The following PHF24 variants were observed in gnomAD, a reference collection of about 807,000 sequenced individuals.
PHF24 encodes PHD finger protein 24.
In PHF24, 25 loss-of-function variants were observed where a neutral mutation model predicts 42.6. The observed-to-expected ratio is 0.59, with a 90% CI of 0.43 to 0.82. The LOEUF (loss-of-function observed/expected upper bound fraction) is 0.82. Ranked by LOEUF, PHF24 falls within the 40% of genes least tolerant of loss-of-function variation. PHF24 has a pLI of 0.00. For synonymous variants in PHF24, 185 were observed against 204.8 expected, an observed-to-expected ratio of 0.90 and a Z score of 0.83; for missense variants, 470 against 538.1, an observed-to-expected ratio of 0.87 and a Z score of 1.25.
chr9:34,796,845 C>T, the PHF24 span, among the ~76,000 whole-genome samples: 4 of 152,342 alleles, frequency 2.6e-5, no homozygotes, highest in African/African-American at 9.6e-5. Flanking sequence ...AACTTATGCT[C>T]ACACAAAAAC....
At chr9:34,759,684 C>T in the PHF24 span, among the ~76,000 whole-genome samples, 1 of 152,170 alleles carries the variant, frequency 6.6e-6, no homozygotes, top group East Asian at 1.9e-4. Context: ...ACCTCTTGCC[C>T]CCAGCAGAAT....
chr9:34,929,484 C>T, the PHF24 span, among the ~76,000 whole-genome samples: 1 of 152,180 alleles, frequency 6.6e-6, no homozygotes, highest in Admixed American at 6.5e-5. Flanking sequence ...GCACCTAGCA[C>T]AGGGTCTATT....
At chr9:34,940,089 TG>T in the PHF24 span, among the ~76,000 whole-genome samples, 1 of 151,618 alleles carries the variant, frequency 6.6e-6, no homozygotes, top group African/African-American at 2.4e-5. Flanking sequence ...CAGAGGGAGG[TG>T]GGGGGAAAGT....
At chr9:34,688,617 G>C in the PHF24 span, among the ~76,000 whole-genome samples, 1 of 151,702 alleles carries the variant, frequency 6.6e-6, no homozygotes, top group East Asian at 1.9e-4. Flanking sequence ...TCTGACCTCT[G>C]ACTCCCAGGT....
At chr9:34,947,121 G>A in the PHF24 span, among the ~76,000 whole-genome samples, 6 of 152,160 alleles carry the variant, frequency 3.9e-5, no homozygotes, top group African/African-American at 1.2e-4. Context: ...CTTGAGACTC[G>A]GACCTAGCCA....
the PHF24 span, among the ~76,000 whole-genome samples, chr9:34,704,803 T>G: frequency 6.6e-6 from 1 of 152,234 alleles, no homozygotes; most frequent in South Asian, 2.1e-4. Context: ...GCCACTCACT[T>G]CAGCCTGGGT....
At chr9:34,880,606 A>G in the PHF24 span, among the ~76,000 whole-genome samples, 1 of 152,210 alleles carries the variant, frequency 6.6e-6, no homozygotes, top group African/African-American at 2.4e-5. Context: ...AAAAGAGACA[A>G]AGAAGGCCAT....
chr9:34,709,102 G>A, the PHF24 span: 1 of 525,606 alleles, frequency 1.9e-6, no homozygotes, highest in Non-Finnish European at 3.3e-6. Flanking sequence ...CAGGTCCAGG[G>A]TCCTGATGAT....
At chr9:34,826,234 C>T in the PHF24 span, among the ~76,000 whole-genome samples, 1 of 152,224 alleles carries the variant, frequency 6.6e-6, no homozygotes, top group African/African-American at 2.4e-5. Context: ...CCCTGTGAGG[C>T]ATCTGGTCCT....
the PHF24 span, among the ~76,000 whole-genome samples, chr9:34,823,441 C>T: frequency 2.0e-5 from 3 of 152,116 alleles, no homozygotes; most frequent in Non-Finnish European, 2.9e-5. Context: ...TTGTTAGTGT[C>T]AGATGGTGTC....
the PHF24 span, among the ~76,000 whole-genome samples, chr9:34,737,970 TC>T: frequency 1.3e-5 from 2 of 151,734 alleles, no homozygotes; most frequent in Non-Finnish European, 2.9e-5. Flanking sequence ...TTTTTTTTTT[TC>T]CTCAGGATAC....
chr9:34,812,233 C>A, the PHF24 span, among the ~76,000 whole-genome samples: 1 of 151,840 alleles, frequency 6.6e-6, no homozygotes, highest in Non-Finnish European at 1.5e-5. Context: ...CAAACACATA[C>A]GTACACAATG....
the PHF24 span, among the ~76,000 whole-genome samples, chr9:34,849,736 G>A: frequency 6.6e-6 from 1 of 152,166 alleles, no homozygotes; most frequent in Admixed American, 6.6e-5. Context: ...GCAGTGGCTG[G>A]TTCCGGTTGT....
the PHF24 span, among the ~76,000 whole-genome samples, chr9:34,720,349 G>A: frequency 2.0e-5 from 3 of 151,908 alleles, no homozygotes; most frequent in African/African-American, 7.3e-5. Context: ...GGAGGCTGAG[G>A]CAGGAGAATG....
chr9:34,672,053 T>C, the PHF24 span, among the ~76,000 whole-genome samples: 8 of 152,254 alleles, frequency 5.3e-5, no homozygotes, highest in Non-Finnish European at 7.3e-5. Context: ...CCAGGCACCA[T>C]GCAAAATGCT....
chr9:34,939,647 A>T, the PHF24 span, among the ~76,000 whole-genome samples: 1 of 152,240 alleles, frequency 6.6e-6, no homozygotes, highest in East Asian at 1.9e-4. Context: ...GCATGGCCTC[A>T]GAGCAAATGT....
At chr9:34,924,961 T>C in the PHF24 span, among the ~76,000 whole-genome samples, 1 of 152,182 alleles carries the variant, frequency 6.6e-6, no homozygotes, top group African/African-American at 2.4e-5. Flanking sequence ...AGTTTTATAG[T>C]TTCACATGTT....
At chr9:34,723,550 C>T in the PHF24 span, 1 of 1,551,798 alleles carries the variant, frequency 6.4e-7, no homozygotes, top group Non-Finnish European at 8.7e-7. Context: ...AGTCCTCATG[C>T]CCTTTGCCTT....
exon 8 of PHF24, chr9:34,978,123 G>A: frequency 6.2e-7 from 1 of 1,605,906 alleles, no homozygotes; most frequent in Non-Finnish European, 8.5e-7. Flanking sequence ...ATGGAGCAGA[G>A]AAGCTCGGTT....
Sources: allele counts gnomAD v4.1 joint callset (sites outside exome capture counted in the v4.1 genomes callset), GRCh38; gene constraint gnomAD v4.1.1; transcripts MANE v1.5; gene names NCBI Gene and HGNC (gene_info 2026-07-23, HGNC 2026-07-21).